Variants in HHLA1 observed in about 807,000 individuals in gnomAD.
HHLA1 encodes HERV-H LTR-associating protein 1.
Under a neutral mutation model 69.9 loss-of-function variants are expected in HHLA1, and 72 were observed. The ratio of observed to expected loss-of-function variants is 1.03; its 90% confidence interval spans 0.85 to 1.25. The LOEUF (loss-of-function observed/expected upper bound fraction) is 1.25. Among genes scored for constraint, HHLA1 ranks in the 50% most tolerant of loss-of-function variants. HHLA1 has a pLI of 0.00. For synonymous variants in HHLA1, 252 were observed against 233.2 expected, an observed-to-expected ratio of 1.08 and a Z score of -0.73; for missense variants, 685 against 642.2, an observed-to-expected ratio of 1.07 and a Z score of -0.72.
chr8:132,065,524 C>T (rs916733090), intron 16 of HHLA1, among the ~76,000 whole-genome samples: 11 of 152,176 alleles, frequency 7.2e-5, no homozygotes, highest in South Asian at 4.1e-4. Context: ...CCTCGTGATC[C>T]GCCCGCCTTG....
chr8:132,102,604 A>G (rs1370570), intron 3 of HHLA1, among the ~76,000 whole-genome samples: 122,098 of 152,108 alleles, frequency 0.8, 49,471 homozygotes, highest in Middle Eastern at 0.93. Context: ...TAAGATCTGC[A>G]GGAGGCACAA....
rs190472018 is a variant in HHLA1, at chr8:132,062,462, T to G, written c.*1533A>C. ...TTCTACTTAGATGATGAACAGAAAG[T>G]GACTTTCCTCACCCAAGGGCAGCCC... On this transcript the variant is annotated 3_prime_UTR_variant, in exon 17 of 17. Coordinates refer to ENST00000414222, the MANE Select transcript of HHLA1 (RefSeq NM_001145095.3). The G allele has an allele frequency of 6.6e-6, 1 of 152,130 alleles. No homozygotes were observed. The highest frequency in any genetic ancestry group is 1.5e-5 in the Non-Finnish European group (1 of 68,014). The allele number at this position is 152,130 out of a possible 1,614,324, so 9.4% of individuals were successfully genotyped here.
rs1165628765 is a variant in HHLA1, at chr8:132,061,712, A to G, written c.*2283T>C. 6.6e-6 allele frequency: 1 copy of G among 152,132 alleles called. No homozygotes were observed. The highest frequency in any genetic ancestry group is 1.5e-5 in the Non-Finnish European group (1 of 68,018). 9.4% of individuals were successfully genotyped at this position (152,132 alleles called of 1,614,324 possible). A position where few individuals can be genotyped will look rare whatever the true frequency, so the allele number is the denominator to read the frequency against. On this transcript the variant is annotated 3_prime_UTR_variant, in exon 17 of 17. Coordinates refer to ENST00000414222, the MANE Select transcript of HHLA1 (RefSeq NM_001145095.3). ...GACACATTCAGCTCAGAAGGGGTCA[A>G]ACCTCTTATGAACTCCAGGAGACCA...
At chr8:132,110,752 G>A (rs2403734) in intron 1 of HHLA1, among the ~76,000 whole-genome samples, 7 of 152,034 alleles carry the variant, frequency 4.6e-5, no homozygotes, top group East Asian at 1.9e-4. Flanking sequence ...ATTTTTTAGC[G>A]CACTCTTTTA....
At chr8:132,080,178 G>C (rs1823724370) in intron 10 of HHLA1, 1 of 697,918 alleles carries the variant, frequency 1.4e-6, no homozygotes. Flanking sequence ...CAGGACTCTG[G>C]TACATGTCTT....
In HHLA1 at chr8:132,083,682, C is replaced by G. The variant is rs1260124653; in HGVS notation, c.677-3716G>C. ...TGCGGGCATTCCTTGGCCCAGTGGCCAGATTTCCAGCACATGTAGCAAGCT... is the reference window on the plus strand; with the variant it reads ...TGCGGGCATTCCTTGGCCCAGTGGCGAGATTTCCAGCACATGTAGCAAGCT... On this transcript the variant is annotated intron_variant, in intron 10 of 16. Coordinates refer to ENST00000414222, the MANE Select transcript of HHLA1 (RefSeq NM_001145095.3). 1.1e-4 allele frequency among the ~76,000 whole-genome samples: 16 copies of G among 152,164 alleles called. No homozygotes were observed. In the South Asian group the frequency reaches 3.3e-3, roughly 31 times the overall value.
chr8:132,105,053 G>A, intron 2 of HHLA1, 134 bp downstream of exon 2: 1 of 705,928 alleles, frequency 1.4e-6, no homozygotes, highest in Non-Finnish European at 2.5e-6. Flanking sequence ...AAGTAGGGAA[G>A]TTATTCTTGC....
intron 10 of HHLA1, among the ~76,000 whole-genome samples, chr8:132,082,991 T>C (rs1159352945): frequency 1.9e-4 from 28 of 150,506 alleles, no homozygotes; most frequent in Non-Finnish European, 2.5e-4. Context: ...TGGCATTGAG[T>C]GGGGTAAGGG....
At chr8:132,068,755 C>G (rs11994048) in intron 15 of HHLA1, among the ~76,000 whole-genome samples, 8,749 of 152,254 alleles carry the variant, frequency 0.057, 518 homozygotes, top group East Asian at 0.15. Flanking sequence ...GTGGACACTT[C>G]ACTGGGGCCT....
intron 10 of HHLA1, chr8:132,081,000 G>C: frequency 6.6e-6 from 1 of 152,122 alleles, no homozygotes; most frequent in Non-Finnish European, 1.5e-5. Context: ...AGGTATAAAA[G>C]GACTAAGAAT....
intron 3 of HHLA1, among the ~76,000 whole-genome samples, chr8:132,100,661 G>A (rs1824096651): frequency 2.0e-5 from 3 of 152,306 alleles, no homozygotes; most frequent in Middle Eastern, 3.4e-3. Context: ...CTATATGCTA[G>A]GCAATGTGAA....
At chr8:132,105,356 G>T in intron 1 of HHLA1, 70 bp from the exon 2 acceptor site, 2 of 937,062 alleles carry the variant, frequency 2.1e-6, no homozygotes, top group Non-Finnish European at 3.4e-6. Flanking sequence ...AGAACAGTGC[G>T]TGAGGAATCA....
intron 12 of HHLA1, 83 bp downstream of exon 12, chr8:132,077,643 C>A (rs1823666971): frequency 7.0e-7 from 1 of 1,424,724 alleles, no homozygotes; most frequent in Non-Finnish European, 9.5e-7. Flanking sequence ...TATTATATTC[C>A]AAAAATTTAG....
chr8:132,090,869 C>T (rs1478369436), intron 7 of HHLA1, among the ~76,000 whole-genome samples: 1 of 151,618 alleles, frequency 6.6e-6, no homozygotes, highest in East Asian at 1.9e-4. Flanking sequence ...CGCCATTCTC[C>T]TACCTCAGCC....
rs549416918 is a variant in HHLA1 at position 132,101,235 on chromosome 8, T to A, written c.140-1101A>T. On this transcript the variant is annotated intron_variant, in intron 3 of 16. Transcript: ENST00000414222. ...CAGGATTTAGGGCTGCCCGGGAATG[T>A]CCCATCTTTTTCCTTCTTAACATCT... is the stretch of plus-strand genomic sequence containing the variant. The A allele has an allele frequency of 5.2e-5, 81 of 1,550,486 alleles. No homozygotes were observed. The East Asian group carries it at 1.8e-3, about 35-fold the overall frequency.
At chr8:132,066,226 G>T (rs1376306925) in intron 15 of HHLA1, among the ~76,000 whole-genome samples, 1 of 152,124 alleles carries the variant, frequency 6.6e-6, no homozygotes. Flanking sequence ...TGACTTCAGG[G>T]TGATAACTTA....
chr8:132,087,142 T>C (rs914335126), intron 10 of HHLA1, among the ~76,000 whole-genome samples: 7 of 152,164 alleles, frequency 4.6e-5, no homozygotes, highest in African/African-American at 1.7e-4. Flanking sequence ...AGCTGGCAAT[T>C]GACAGGCAAA....
At chr8:132,066,895 A>T (rs1477510474) in intron 15 of HHLA1, among the ~76,000 whole-genome samples, 2 of 152,230 alleles carry the variant, frequency 1.3e-5, no homozygotes, top group African/African-American at 4.8e-5. Context: ...GCCAGATCAC[A>T]CTGTCATTCT....
rs894812310 is a variant in HHLA1, at chr8:132,079,894, C to T, written c.749G>A (p.Ser250Asn). Residue 250 changes from serine to asparagine, a missense_variant, in exon 11 of 17, where the codon AGC (serine) becomes AAC (asparagine). By Grantham distance (46) the Ser-to-Asn change is conservative. Transcript: ENST00000414222. The stretch of plus-strand genomic sequence containing the variant: ...TGTGCTCTGGGTCCAGTGTCCGGGG[C>T]TTGTACTTGGTAGTGTTTTCTGGCT... ...TKSQKTLPST[S>N]PGHWTQSTPW... The T allele has an allele frequency of 6.4e-7, 1 of 1,552,202 alleles. No homozygotes were observed. The highest frequency in any genetic ancestry group is 8.7e-7 in the Non-Finnish European group (1 of 1,147,112).
Sources: allele counts gnomAD v4.1 joint callset (sites outside exome capture counted in the v4.1 genomes callset), GRCh38; gene constraint gnomAD v4.1.1; transcripts MANE v1.5; gene names NCBI Gene and HGNC (gene_info 2026-07-23, HGNC 2026-07-21).